Variants in PHF21A observed in about 807,000 individuals in gnomAD.
The protein encoded by PHF21A is PHD finger protein 21A, also known as BHC80a.
Under a neutral mutation model 82.5 loss-of-function variants are expected in PHF21A, and 11 were observed. The ratio of observed to expected loss-of-function variants is 0.13; its 90% CI spans 0.08 to 0.22. PHF21A has a LOEUF of 0.22. Among genes scored for constraint, PHF21A ranks in the 10% least tolerant of loss-of-function variants. The probability of loss-of-function intolerance (pLI) is 1.00; values close to 1 mark genes in which losing one functional copy is unlikely to be tolerated. For missense variants in PHF21A, 579 were observed against 837.8 expected (o/e 0.69, Z 3.81); for synonymous variants, 297 against 302.8 (o/e 0.98, Z 0.20).
At chr11:46,085,180 C>T (rs949245275) in intron 3 of PHF21A, among the ~76,000 whole-genome samples, 4 of 152,076 alleles carry the variant, frequency 2.6e-5, no homozygotes, top group Non-Finnish European at 5.9e-5. Flanking sequence ...AAATACAATG[C>T]AATATAACTG....
intron 6 of PHF21A, among the ~76,000 whole-genome samples, chr11:46,073,424 C>CTG (rs1555170014): frequency 6.6e-6 from 1 of 151,952 alleles, no homozygotes; most frequent in Non-Finnish European, 1.5e-5. Context: ...TGAACTATGC[C>CTG]TGAAACAGAC....
intron 6 of PHF21A, among the ~76,000 whole-genome samples, chr11:46,071,849 T>C (rs1365678722): frequency 7.9e-5 from 12 of 152,084 alleles, no homozygotes; most frequent in Non-Finnish European, 8.8e-5. Context: ...CAAAGAACAC[T>C]CAAAAATCTA....
rs1473576173 is a variant in PHF21A at position 45,933,312 on chromosome 11, G to C, written c.*656C>G. On this transcript the variant is annotated 3_prime_UTR_variant, in exon 19 of 19. Transcript: ENST00000676320. ...TACCGCGCAGGGAGCAGAGTGCAGG[G>C]GAGAAGAACCTACTGGCTGTTCTTG... 1 of 152,634 alleles carries C rather than the reference G, an allele frequency of 6.6e-6. No homozygotes were observed. Among genetic ancestry groups the C allele is most frequent in the Non-Finnish European group, 1.5e-5 (1 of 68,064 alleles). 9.5% of individuals were successfully genotyped at this position (152,634 alleles called of 1,614,324 possible).
At chr11:45,973,596 A>G (rs1296760380) in intron 7 of PHF21A, among the ~76,000 whole-genome samples, 1 of 152,246 alleles carries the variant, frequency 6.6e-6, no homozygotes, top group Non-Finnish European at 1.5e-5. Context: ...ATCTTCGATC[A>G]GTGATGAAAA....
intron 6 of PHF21A, among the ~76,000 whole-genome samples, chr11:46,028,784 G>A (rs187076916): frequency 1.3e-5 from 2 of 152,052 alleles, no homozygotes; most frequent in South Asian, 2.1e-4. Context: ...ATGTTGGTCA[G>A]GCTAGTTTCG....
chr11:46,117,634 C>T (rs1043281786), intron 1 of PHF21A, among the ~76,000 whole-genome samples: 2 of 152,192 alleles, frequency 1.3e-5, no homozygotes, highest in Non-Finnish European at 2.9e-5. Context: ...ACTCTATATC[C>T]TATTTGTATT....
At chr11:46,090,013 T>C (rs886173726) in intron 3 of PHF21A, among the ~76,000 whole-genome samples, 2 of 151,662 alleles carry the variant, frequency 1.3e-5, no homozygotes, top group African/African-American at 2.4e-5. Context: ...CTTCCTGGGG[T>C]CCAGGCTGTC....
chr11:46,030,830 CGTGTGTGTGTGTGTGT>C lies in PHF21A; in HGVS notation c.153+45908_153+45923del, dbSNP rs71038879. Among the ~76,000 whole-genome samples, 51 of 142,304 alleles carry C rather than the reference CGTGTGTGTGTGTGTGT, an allele frequency of 3.6e-4. No homozygotes were observed. The East Asian group carries it at 4.8e-3, about 13-fold the overall frequency. The allele number at this position is 142,304 out of a possible 152,430, so 93.4% of individuals were successfully genotyped here. On this transcript the variant is annotated intron_variant, in intron 6 of 18. Transcript: ENST00000676320. Reference sequence around the variant, plus strand: ...TAGTGTGTGTGTGTGCGTGTGTGTGCGTGTGTGTGTGTGTGTGTGTGTGTGTGTGTGTGTGTGTGTT... The same window carrying C: ...TAGTGTGTGTGTGTGCGTGTGTGTGCGTGTGTGTGTGTGTGTGTGTGTGTT...
intron 6 of PHF21A, among the ~76,000 whole-genome samples, chr11:46,048,825 T>C (rs1166264290): frequency 6.6e-6 from 1 of 152,162 alleles, no homozygotes; most frequent in African/African-American, 2.4e-5. Context: ...CTTTAGGATC[T>C]ATACCTGGAA....
chr11:45,973,253 C>T (rs1565342621), intron 7 of PHF21A, among the ~76,000 whole-genome samples: 1 of 152,166 alleles, frequency 6.6e-6, no homozygotes, highest in Non-Finnish European at 1.5e-5. Context: ...GTATTTCCAA[C>T]ATCACAGAAA....
chr11:46,033,116 A>G (rs192673551), intron 6 of PHF21A, among the ~76,000 whole-genome samples: 2 of 152,194 alleles, frequency 1.3e-5, no homozygotes, highest in Non-Finnish European at 2.9e-5. Context: ...TTTTTTCCCA[A>G]GTCTCATGAA....
At chr11:46,047,805 C>T (rs1180065194) in intron 6 of PHF21A, among the ~76,000 whole-genome samples, 1 of 152,134 alleles carries the variant, frequency 6.6e-6, no homozygotes, top group Non-Finnish European at 1.5e-5. Flanking sequence ...GATCAAATTA[C>T]ATAAAGCATG....
At chr11:46,026,464 C>T (rs1159341447) in intron 6 of PHF21A, among the ~76,000 whole-genome samples, 1 of 152,048 alleles carries the variant, frequency 6.6e-6, no homozygotes, top group East Asian at 1.9e-4. Flanking sequence ...ATTAATATAC[C>T]TCTTTTTGGC....
At chr11:46,081,809 A>G (rs1592956982) in intron 4 of PHF21A, among the ~76,000 whole-genome samples, 1 of 152,260 alleles carries the variant, frequency 6.6e-6, no homozygotes, top group East Asian at 1.9e-4. Context: ...GAAAAAAGCC[A>G]TACTCATTCA....
At chr11:46,119,529 C>T (rs1490486025) in intron 1 of PHF21A, among the ~76,000 whole-genome samples, 7 of 152,130 alleles carry the variant, frequency 4.6e-5, no homozygotes, top group African/African-American at 1.4e-4. Context: ...AACCTGCCGA[C>T]CATTAGCAGT....
intron 6 of PHF21A, among the ~76,000 whole-genome samples, chr11:46,039,297 C>G (rs768399577): frequency 1.8e-4 from 28 of 152,068 alleles, no homozygotes; most frequent in Non-Finnish European, 2.5e-4. Context: ...AGCTTCATTC[C>G]CCACTTTCAA....
intron 6 of PHF21A, among the ~76,000 whole-genome samples, chr11:46,075,538 C>T (rs1039722512): frequency 4.6e-5 from 7 of 152,150 alleles, no homozygotes; most frequent in African/African-American, 9.7e-5. Flanking sequence ...ACATACTAAC[C>T]GACTCTGTTT....
chr11:46,075,594 A>AT (rs2096715649), intron 6 of PHF21A, among the ~76,000 whole-genome samples: 1 of 152,174 alleles, frequency 6.6e-6, no homozygotes, highest in African/African-American at 2.4e-5. Context: ...CCTCCTCCCA[A>AT]TTTTAGTTTG....
Position 46,034,211 on chromosome 11 carries a change from T to A in PHF21A, c.153+42543A>T, listed in dbSNP as rs751981172. Among the ~76,000 whole-genome samples, 150 of 150,132 alleles carry A rather than the reference T, an allele frequency of 1.0e-3. 2 individuals carry two copies. Among genetic ancestry groups the A allele is most frequent in the Middle Eastern group, 6.8e-3 (2 of 294 alleles). On this transcript the variant is annotated intron_variant, in intron 6 of 18. Transcript: ENST00000676320. ...CTTCTGCTGTGAGTTGCCTTAATATTAGTGCCCCCACCCCCCCCTTGCATA... is the reference window on the plus strand; with the variant it reads ...CTTCTGCTGTGAGTTGCCTTAATATAAGTGCCCCCACCCCCCCCTTGCATA...
Sources: allele counts gnomAD v4.1 joint callset (sites outside exome capture counted in the v4.1 genomes callset), GRCh38; gene constraint gnomAD v4.1.1; transcripts MANE v1.5; gene names NCBI Gene and HGNC (gene_info 2026-07-23, HGNC 2026-07-21).